FRMD6: variants seen among roughly 807,000 people sequenced by gnomAD.
FRMD6 encodes FERM domain-containing protein 6.
A neutral mutation model predicts 73.2 loss-of-function variants in FRMD6; 37 were observed. That is an observed-to-expected ratio of 0.51 (90% CI 0.39 to 0.66). The LOEUF is 0.66. Among genes scored for constraint, FRMD6 ranks in the 30% least tolerant of loss-of-function variants. FRMD6 has a pLI of 0.00. For missense variants in FRMD6, 714 were observed against 780.5 expected (o/e 0.91, Z 1.02); for synonymous variants, 273 against 282.2 (o/e 0.97, Z 0.33).
At chr14:51,653,596 T>A (rs746306) in intron 1 of FRMD6, among the ~76,000 whole-genome samples, 23,759 of 152,140 alleles carry the variant, frequency 0.16, 2,147 homozygotes, top group Non-Finnish European at 0.21. Context: ...AAATTTTAAC[T>A]ACCAGGACCT....
chr14:51,723,732 G>A (rs1009938282), intron 12 of FRMD6, among the ~76,000 whole-genome samples: 3 of 149,154 alleles, frequency 2.0e-5, no homozygotes, highest in African/African-American at 7.4e-5. Context: ...CCAAGATTGT[G>A]TCACTGTACT....
In FRMD6 at chr14:51,604,173, A is replaced by G. The variant is rs1434480505; in HGVS notation, c.-147+33763A>G. On this transcript the variant is annotated intron_variant, in intron 2 of 14. Coordinates refer to the FRMD6 transcript ENST00000356218. ...TGCTGGGTGGGGGCAGAATGTCTGC[A>G]TGTGTGTGATGGTGCAGGTCTGGGA... Among the ~76,000 whole-genome samples, 24 of 152,326 alleles carry G rather than the reference A, an allele frequency of 1.6e-4. No individual in the cohort carries two copies. The East Asian group carries it at 4.6e-3, about 29-fold the overall frequency.
chr14:51,577,451 G>T (rs1888466156), intron 2 of FRMD6, among the ~76,000 whole-genome samples: 1 of 152,152 alleles, frequency 6.6e-6, no homozygotes, highest in Admixed American at 6.5e-5. Flanking sequence ...GTATAGTGTT[G>T]TGTATCAGAT....
intron 1 of FRMD6, among the ~76,000 whole-genome samples, chr14:51,535,364 C>T (rs539510113): frequency 2.0e-5 from 3 of 152,284 alleles, no homozygotes; most frequent in Non-Finnish European, 4.4e-5. Flanking sequence ...CCTATTCTCC[C>T]CTCACCCCAT....
At position 51,720,383 on chromosome 14, in the gene FRMD6, G is replaced by T. The variant is rs1221399867; in HGVS notation, c.1353G>T (p.Gln451His). The change falls in exon 11 of 14, where the codon CAG (glutamine) becomes CAT (histidine). Residue 451 changes from glutamine to histidine, a missense_variant. Gln to His is a conservative substitution (Grantham distance 24). Coordinates refer to ENST00000344768, the MANE Select transcript of FRMD6 (RefSeq NM_001267046.2). ...GGKDRLEEDL[Q>H]DDEIEMLVDD... ...AAGACCGGCTGGAAGAGGACTTACA[G>T]GACGATGGTAACAGTACTGTCCCCT... is the stretch of plus-strand genomic sequence containing the variant. 6.2e-7 allele frequency: 1 copy of T among 1,613,334 alleles called. No individual in the cohort carries two copies. Among genetic ancestry groups the T allele is most frequent in the East Asian group, 2.2e-5 (1 of 44,878 alleles).
intron 2 of FRMD6, among the ~76,000 whole-genome samples, chr14:51,692,467 G>T (rs1895664190): frequency 1.3e-5 from 1 of 78,870 alleles, no homozygotes; most frequent in Non-Finnish European, 2.5e-5. Context: ...TTTTTACGTG[G>T]TGCAATGTGT....
chr14:51,566,883 G>A (rs726528), intron 1 of FRMD6, among the ~76,000 whole-genome samples: 2,767 of 152,312 alleles, frequency 0.018, 77 homozygotes, highest in African/African-American at 0.062. Context: ...GGGCAGGATC[G>A]CTTGTTTTCA....
upstream of FRMD6, among the ~76,000 whole-genome samples, chr14:51,647,262 T>G (rs1256692095): frequency 2.0e-5 from 3 of 152,200 alleles, no homozygotes; most frequent in Admixed American, 6.5e-5. Flanking sequence ...TCTTCTTGAG[T>G]TAGATTGCTA....
At chr14:51,584,924 T>C (rs970860912) in intron 2 of FRMD6, among the ~76,000 whole-genome samples, 1 of 152,168 alleles carries the variant, frequency 6.6e-6, no homozygotes, top group African/African-American at 2.4e-5. Flanking sequence ...AGTTTCCTCA[T>C]TCATAAAAAG....
the FRMD6 span, among the ~76,000 whole-genome samples, chr14:51,441,216 C>G: frequency 6.6e-6 from 1 of 152,230 alleles, no homozygotes; most frequent in African/African-American, 2.4e-5. Flanking sequence ...TGCTAAGTAT[C>G]AGGCAGCCTT....
At chr14:51,602,404 A>G (rs914507005) in intron 2 of FRMD6, among the ~76,000 whole-genome samples, 2 of 152,222 alleles carry the variant, frequency 1.3e-5, no homozygotes, top group African/African-American at 4.8e-5. Flanking sequence ...GCAAGAAAGG[A>G]CCAGTCACTT....
the FRMD6 span, among the ~76,000 whole-genome samples, chr14:51,403,452 G>T: frequency 1.3e-5 from 2 of 152,072 alleles, no homozygotes. Context: ...CTAGGCTGGA[G>T]TGCAGTGGCA....
At chr14:51,447,736 G>A in the FRMD6 span, among the ~76,000 whole-genome samples, 1 of 152,158 alleles carries the variant, frequency 6.6e-6, no homozygotes, top group Non-Finnish European at 1.5e-5. Context: ...CTGCAGTCCT[G>A]TCTCCTCACT....
the FRMD6 span, among the ~76,000 whole-genome samples, chr14:51,452,399 T>C: frequency 6.6e-6 from 1 of 152,184 alleles, no homozygotes; most frequent in Non-Finnish European, 1.5e-5. Flanking sequence ...AAAATGGGAA[T>C]GGTTGGTCAC....
chr14:51,546,396 C>CTTTTTT (rs11413471), intron 1 of FRMD6, among the ~76,000 whole-genome samples: 2 of 129,424 alleles, frequency 1.5e-5, no homozygotes, highest in South Asian at 2.6e-4. Flanking sequence ...AAGAGAAACT[C>CTTTTTT]TTTTTTTTTT....
intron 11 of FRMD6, chr14:51,720,662 G>C (rs556095705): frequency 2.2e-6 from 1 of 460,390 alleles, no homozygotes; most frequent in African/African-American, 2.0e-5. Context: ...AATTAGTCCT[G>C]CTGCCCTTGT....
At chr14:51,655,720 T>C (rs1566535061) in intron 1 of FRMD6, among the ~76,000 whole-genome samples, 1 of 151,970 alleles carries the variant, frequency 6.6e-6, no homozygotes, top group Non-Finnish European at 1.5e-5. Context: ...AAGAATAAGG[T>C]ATTTTTAGCT....
the FRMD6 span, chr14:51,436,901 G>A: frequency 1.0e-6 from 1 of 965,466 alleles, no homozygotes; most frequent in South Asian, 1.4e-5. Flanking sequence ...TGAGGATGAA[G>A]GTGAAGAAGA....
At chr14:51,521,618 A>C (rs1299913939) in intron 1 of FRMD6, among the ~76,000 whole-genome samples, 1 of 151,952 alleles carries the variant, frequency 6.6e-6, no homozygotes, top group Non-Finnish European at 1.5e-5. Flanking sequence ...AGAAGCATGC[A>C]TTGCTTTGTT....
Sources: allele counts gnomAD v4.1 joint callset (sites outside exome capture counted in the v4.1 genomes callset), GRCh38; gene constraint gnomAD v4.1.1; transcripts MANE v1.5; gene names NCBI Gene and HGNC (gene_info 2026-07-23, HGNC 2026-07-21).